RAB3A: variants seen among roughly 807,000 people sequenced by gnomAD.
RAB3A encodes ras-related protein Rab-3A.
RAB3A carries 5 observed loss-of-function variants against 19.7 expected under a neutral mutation model. The ratio of observed to expected loss-of-function variants is 0.25; its 90% CI spans 0.13 to 0.53. The LOEUF is 0.53. Ranked by LOEUF, RAB3A falls within the 20% of genes least tolerant of loss-of-function variation. RAB3A has a pLI of 0.95. For synonymous variants in RAB3A, 119 were observed against 122.1 expected (o/e 0.97, Z 0.17); for missense variants, 189 against 305.6 (o/e 0.62, Z 2.85).
intron 4 of RAB3A, among the ~76,000 whole-genome samples, chr19:18,198,277 G>A (rs1038600377): frequency 2.0e-5 from 3 of 152,082 alleles, no homozygotes; most frequent in African/African-American, 4.8e-5. Context: ...TCCTCCAGCT[G>A]ACCCTCATGT....
Position 18,202,232 on chromosome 19 carries a change from T to C in RAB3A, c.228+281A>G, listed in dbSNP as rs1967623667. The C allele has an allele frequency of 5.2e-6, 2 of 381,104 alleles. No homozygotes were observed. Among genetic ancestry groups the C allele is most frequent in the South Asian group, 4.8e-5 (2 of 41,574 alleles). The allele number at this position is 381,104 out of a possible 1,614,324, so 23.6% of individuals were successfully genotyped here. On this transcript the variant is annotated intron_variant, in intron 2 of 4. Coordinates refer to ENST00000222256, the MANE Select transcript of RAB3A (RefSeq NM_002866.5). This position sits in a 1 kb window ranked among gnomAD's most constrained non-coding sequence, Gnocchi z 4.2. Reference sequence around the variant, plus strand: ...TAGGGGACAGAGCAAGACCACCCTGTCTCAAAAAACAAACAAAAAAAGAGA... The same window carrying C: ...TAGGGGACAGAGCAAGACCACCCTGCCTCAAAAAACAAACAAAAAAAGAGA...
At chr19:18,198,475 G>A (rs1967565524) in intron 4 of RAB3A, among the ~76,000 whole-genome samples, 1 of 152,136 alleles carries the variant, frequency 6.6e-6, no homozygotes, top group Admixed American at 6.6e-5. Context: ...GGCACCCCTA[G>A]ATGCCTCTTG....
At chr19:18,200,488 G>A (rs559634007) in intron 2 of RAB3A, 43 bp from the exon 3 acceptor site, 1 of 1,496,626 alleles carries the variant, frequency 6.7e-7, no homozygotes, top group East Asian at 2.3e-5. Flanking sequence ...CTGCACATAA[G>A]GCCCTCGAAG....
At chr19:18,200,740 G>A (rs1967597338) in intron 2 of RAB3A, among the ~76,000 whole-genome samples, 1 of 152,024 alleles carries the variant, frequency 6.6e-6, no homozygotes, top group Admixed American at 6.6e-5. Flanking sequence ...TTCCAGACCA[G>A]CCTGAGCAAC....
chr19:18,202,407 G>A lies in RAB3A; in HGVS notation c.228+106C>T. 1 of 1,028,610 alleles carries A rather than the reference G, an allele frequency of 9.7e-7. No homozygotes were observed. The highest frequency in any genetic ancestry group is 1.5e-6 in the Non-Finnish European group (1 of 677,432). The allele number at this position is 1,028,610 out of a possible 1,614,324, so 63.7% of individuals were successfully genotyped here. A position where few individuals can be genotyped will look rare whatever the true frequency, so the allele number is the denominator to read the frequency against. ...CACCTTACTGATAAATGCCCAGTGT[G>A]TAAGTGAATGACTCCAGTCAGGAAA... On this transcript the variant is annotated intron_variant, in intron 2 of 4. Coordinates refer to ENST00000222256, the MANE Select transcript of RAB3A (RefSeq NM_002866.5). The surrounding 1 kb of genome is among the most constrained non-coding windows in gnomAD (Gnocchi z 4.2).
chr19:18,198,139 G>A (rs1017668619), intron 4 of RAB3A, among the ~76,000 whole-genome samples: 5 of 151,952 alleles, frequency 3.3e-5, no homozygotes, highest in African/African-American at 1.2e-4. Flanking sequence ...ACTGGCCCTG[G>A]AAGGCTCTGA....
At chr19:18,203,286 G>A (rs1967640700) in intron 1 of RAB3A, among the ~76,000 whole-genome samples, 1 of 152,232 alleles carries the variant, frequency 6.6e-6, no homozygotes, top group Admixed American at 6.5e-5. Flanking sequence ...ATACAGGAGT[G>A]TGTGAACGCA....
At chr19:18,199,182 A>C (rs1568652128) in intron 3 of RAB3A, among the ~76,000 whole-genome samples, 1 of 151,828 alleles carries the variant, frequency 6.6e-6, no homozygotes, top group African/African-American at 2.4e-5. Context: ...TTTGAGATAG[A>C]GTCTTGCTCT....
chr19:18,197,133 C>A lies in RAB3A; in HGVS notation c.*337G>T. The A allele has an allele frequency of 3.6e-6, 1 of 277,852 alleles. No individual in the cohort carries two copies. The highest frequency in any genetic ancestry group is 6.7e-5 in the East Asian group (1 of 14,820). 17.2% of individuals were successfully genotyped at this position (277,852 alleles called of 1,614,324 possible). On this transcript the variant is annotated 3_prime_UTR_variant, in exon 5 of 5. Coordinates refer to ENST00000222256, the MANE Select transcript of RAB3A (RefSeq NM_002866.5). ...TAGGGTGTCATCTGGCCCCTCTTCA[C>A]AACTGACAACTGTGGATGGGGGTGA...
chr19:18,200,085 A>C (rs1478736525), intron 3 of RAB3A, among the ~76,000 whole-genome samples: 1 of 152,098 alleles, frequency 6.6e-6, no homozygotes, highest in Non-Finnish European at 1.5e-5. Context: ...GTTCAAGACC[A>C]GCCTGGGCAA....
intron 1 of RAB3A, among the ~76,000 whole-genome samples, chr19:18,203,404 G>A (rs1031344856): frequency 1.3e-5 from 2 of 152,064 alleles, no homozygotes; most frequent in Non-Finnish European, 2.9e-5. Context: ...GCAGGCGTGT[G>A]CACATCACCC....
intron 1 of RAB3A, among the ~76,000 whole-genome samples, chr19:18,203,225 G>A (rs1967639853): frequency 6.6e-6 from 1 of 152,338 alleles, no homozygotes; most frequent in Middle Eastern, 3.4e-3. Context: ...TGATACAGGA[G>A]GGGCATGCAC....
chr19:18,202,246 C>T lies in RAB3A; in HGVS notation c.228+267G>A. ...AGACCACCCTGTCTCAAAAAACAAA[C>T]AAAAAAAGAGAATGGGGACCAAGAT... is the stretch of plus-strand genomic sequence containing the variant. On this transcript the variant is annotated intron_variant, in intron 2 of 4. Coordinates refer to ENST00000222256, the MANE Select transcript of RAB3A (RefSeq NM_002866.5). The surrounding 1 kb of genome is among the most constrained non-coding windows in gnomAD (Gnocchi z 4.2). The T allele has an allele frequency of 2.4e-6, 1 of 411,432 alleles. No individual in the cohort carries two copies. Among genetic ancestry groups the T allele is most frequent in the Non-Finnish European group, 4.5e-6 (1 of 220,968 alleles). 25.5% of individuals were successfully genotyped at this position (411,432 alleles called of 1,614,324 possible).
Position 18,198,761 on chromosome 19 carries a change from A to G in RAB3A, c.436T>C (p.Ser146Pro). Residue 146 changes from serine to proline, a missense_variant, in exon 4 of 5, where the codon TCA becomes CCA. Transcript: ENST00000222256. ...KCDMEDERVV[S>P]SERGRQLADH... is the part of the protein sequence containing the mutation. The stretch of plus-strand genomic sequence containing the variant: ...GCTAGCTGCCGGCCACGTTCTGATG[A>G]CACCACCCGCTCATCCTCCATGTCA... 4 of 1,614,070 alleles carry G rather than the reference A, an allele frequency of 2.5e-6. No individual in the cohort carries two copies. The highest frequency in any genetic ancestry group is 3.4e-6 in the Non-Finnish European group (4 of 1,180,014).
Position 18,198,866 on chromosome 19 carries a change from TG to T in RAB3A, c.348-18del. On this transcript the variant is annotated intron_variant, in intron 3 of 4. Coordinates refer to ENST00000222256, the MANE Select transcript of RAB3A (RefSeq NM_002866.5). ...TGGGTGGACCTATAGGAGGCACCAA[TG>T]GGGGCAGGTCAGGGCTTGGAGGATC... is the stretch of plus-strand genomic sequence containing the variant. 4 of 1,612,752 alleles carry T rather than the reference TG, an allele frequency of 2.5e-6. No individual in the cohort carries two copies. The South Asian group carries it at 3.3e-5, about 13-fold the overall frequency.
intron 3 of RAB3A, 30 bp downstream of exon 3, chr19:18,200,291 GAAAAGA>G: frequency 6.6e-7 from 1 of 1,521,642 alleles, no homozygotes; most frequent in Non-Finnish European, 9.0e-7. Context: ...TCAAAGAAAA[GAAAAGA>G]AAAAAAAAGA....
chr19:18,202,941 G>C lies in RAB3A; in HGVS notation c.1-201C>G, dbSNP rs946247912. ...ACCTTGAAATCCTGGGCGTTTCAGA[G>C]GAGGGGCTCAGAGGGTTGCCGATGG... On this transcript the variant is annotated intron_variant, in intron 1 of 4. Transcript: ENST00000222256. The surrounding 1 kb of genome is among the most constrained non-coding windows in gnomAD (Gnocchi z 4.2). 1 of 564,706 alleles carries C rather than the reference G, an allele frequency of 1.8e-6. No homozygotes were observed. The highest frequency in any genetic ancestry group is 3.2e-6 in the Non-Finnish European group (1 of 316,026). 35.0% of individuals were successfully genotyped at this position (564,706 alleles called of 1,614,324 possible). A position where few individuals can be genotyped will look rare whatever the true frequency, so the allele number is the denominator to read the frequency against.
In RAB3A at chr19:18,202,769, G is replaced by A. The variant is rs971091271; in HGVS notation, c.1-29C>T. On this transcript the variant is annotated intron_variant, in intron 1 of 4. Transcript: ENST00000222256. This position sits in a 1 kb window ranked among gnomAD's most constrained non-coding sequence, Gnocchi z 4.2. ...GGGATACCGGGTGTAGCAGAGCCGT[G>A]AGGGGGGCTCTCTCCATCCTCATGT... The A allele has an allele frequency of 1.9e-6, 3 of 1,574,554 alleles. No individual in the cohort carries two copies. The highest frequency in any genetic ancestry group is 1.7e-6 in the Non-Finnish European group (2 of 1,145,418).
intron 2 of RAB3A, among the ~76,000 whole-genome samples, chr19:18,201,522 G>T (rs1568653078): frequency 6.6e-6 from 1 of 152,224 alleles, no homozygotes; most frequent in East Asian, 1.9e-4. Context: ...GGAGGCAGAG[G>T]TTTCAGTGAG....
Sources: gnomAD v4.1 joint callset for allele counts (sites outside exome capture counted in the v4.1 genomes callset) on GRCh38, gnomAD v4.1.1 for gene constraint, Gnocchi (gnomAD v3.1) non-coding constraint, MANE v1.5 for transcripts, NCBI Gene and HGNC (gene_info 2026-07-23, HGNC 2026-07-21) for gene names.